PALM2AKAP2: variants seen among roughly 807,000 people sequenced by gnomAD.
PALM2AKAP2 encodes PALM2-AKAP2 fusion protein.
In PALM2AKAP2, 37 loss-of-function variants were observed where a neutral mutation model predicts 71.5. The observed-to-expected ratio is 0.52, with a 90% confidence interval of 0.40 to 0.68. The LOEUF (loss-of-function observed/expected upper bound fraction) is 0.68. Among genes scored for constraint, PALM2AKAP2 ranks in the 30% least tolerant of loss-of-function variants. The probability of loss-of-function intolerance (pLI) is 0.00; values close to 1 mark genes in which losing one functional copy is unlikely to be tolerated. For missense variants in PALM2AKAP2, 1,224 were observed against 1,191.8 expected (o/e 1.03, Z -0.40); for synonymous variants, 468 against 478.8 (o/e 0.98, Z 0.29).
intron 1 of PALM2AKAP2, among the ~76,000 whole-genome samples, chr9:109,812,333 G>A (rs969226340): frequency 1.3e-5 from 2 of 152,078 alleles, no homozygotes; most frequent in African/African-American, 4.8e-5. Context: ...TCGGGGTCAG[G>A]GTTGTTTGTG....
intron 3 of PALM2AKAP2, among the ~76,000 whole-genome samples, chr9:110,167,390 G>A (rs1836762880): frequency 6.6e-6 from 1 of 152,204 alleles, no homozygotes; most frequent in African/African-American, 2.4e-5. Context: ...CAATTGGCAA[G>A]AATGCCTGGA....
At chr9:110,081,706 C>A (rs976519853) in intron 1 of PALM2AKAP2, among the ~76,000 whole-genome samples, 1 of 152,118 alleles carries the variant, frequency 6.6e-6, no homozygotes, top group Non-Finnish European at 1.5e-5. Context: ...GCCCAAGCGA[C>A]AGGAAACTCT....
intron 1 of PALM2AKAP2, among the ~76,000 whole-genome samples, chr9:110,109,317 C>CAAAAAAA (rs1238817681): frequency 1.9e-5 from 1 of 51,938 alleles, no homozygotes; most frequent in Non-Finnish European, 3.9e-5. Flanking sequence ...ATCTTTGTCT[C>CAAAAAAA]CAAAAAAAAA....
intron 1 of PALM2AKAP2, among the ~76,000 whole-genome samples, chr9:109,680,875 G>A (rs1220999054): frequency 1.3e-5 from 2 of 152,110 alleles, no homozygotes; most frequent in Admixed American, 6.6e-5. Context: ...AATTCCATTC[G>A]AGATTAATGA....
chr9:109,878,138 C>G (rs1360533341), intron 2 of PALM2AKAP2, among the ~76,000 whole-genome samples: 1 of 152,182 alleles, frequency 6.6e-6, no homozygotes, highest in Non-Finnish European at 1.5e-5. Context: ...AAAAGAATCT[C>G]TGATAAAGCT....
chr9:109,923,781 T>C (rs148104767), exon 4 of PALM2AKAP2: 130 of 1,605,924 alleles, frequency 8.1e-5, no homozygotes, highest in Non-Finnish European at 1.0e-4. Flanking sequence ...GTCCCAGATA[T>C]CTGCCAAAGA....
chr9:110,048,906 G>A, intron 1 of PALM2AKAP2: 1 of 1,446,342 alleles, frequency 6.9e-7, no homozygotes, highest in Non-Finnish European at 9.0e-7. Flanking sequence ...TCGAGTGTGA[G>A]GAAGGGGTGG....
intron 6 of PALM2AKAP2, among the ~76,000 whole-genome samples, chr9:109,961,754 C>T (rs569154821): frequency 7.9e-5 from 12 of 152,224 alleles, no homozygotes; most frequent in East Asian, 3.8e-4. Context: ...GACTCCTGTA[C>T]GCAAACTGTT....
At chr9:109,728,855 T>A (rs560311671) in intron 1 of PALM2AKAP2, among the ~76,000 whole-genome samples, 88 of 152,306 alleles carry the variant, frequency 5.8e-4, no homozygotes, top group Non-Finnish European at 9.0e-4. Context: ...ACCTAAGCCC[T>A]GAATTGCACT....
chr9:110,014,849 T>C lies in PALM2AKAP2; in HGVS notation c.497-1105T>C, dbSNP rs866008457. Among the ~76,000 whole-genome samples, 451 of 97,500 alleles carry C rather than the reference T, an allele frequency of 4.6e-3. 13 individuals carry two copies. The highest frequency in any genetic ancestry group is 0.016 in the African/African-American group (400 of 25,758). The allele number at this position is 97,500 out of a possible 152,430, so 64.0% of individuals were successfully genotyped here. A position where few individuals can be genotyped will look rare whatever the true frequency, so the allele number is the denominator to read the frequency against. On this transcript the variant is annotated intron_variant, in intron 6 of 9. Coordinates refer to the PALM2AKAP2 transcript ENST00000302798. ...ATATATATATATATATATATATATA[T>C]ATACACACACACACATATATCTTGC...
intron 1 of PALM2AKAP2, among the ~76,000 whole-genome samples, chr9:109,850,407 G>A (rs1473582818): frequency 6.6e-6 from 1 of 151,980 alleles, no homozygotes; most frequent in Non-Finnish European, 1.5e-5. Context: ...CTGTCTTGGT[G>A]GTGTTTTCTG....
chr9:109,692,160 A>G (rs1429395553), intron 1 of PALM2AKAP2, among the ~76,000 whole-genome samples: 2 of 151,150 alleles, frequency 1.3e-5, no homozygotes, highest in Non-Finnish European at 3.0e-5. Context: ...GGTTTTTACT[A>G]TATTCATAAA....
chr9:109,689,744 C>G (rs1354949133), intron 1 of PALM2AKAP2, among the ~76,000 whole-genome samples: 3 of 152,210 alleles, frequency 2.0e-5, no homozygotes, highest in Non-Finnish European at 4.4e-5. Context: ...GAGGACCTAC[C>G]TTTCCAGTCT....
At chr9:110,162,213 A>G in intron 3 of PALM2AKAP2, 81 bp downstream of exon 10, 1 of 1,568,002 alleles carries the variant, frequency 6.4e-7, no homozygotes, top group Non-Finnish European at 8.8e-7. Context: ...TTTCCTGATG[A>G]GTTAAACGAA....
chr9:109,777,089 T>A (rs148938420), upstream of PALM2AKAP2, among the ~76,000 whole-genome samples: 193 of 152,382 alleles, frequency 1.3e-3, 1 homozygote, highest in African/African-American at 4.4e-3. Flanking sequence ...ACAGTTTCTT[T>A]ACAAACGATT....
intron 6 of PALM2AKAP2, among the ~76,000 whole-genome samples, chr9:110,000,470 CAT>C (rs1832662628): frequency 6.6e-6 from 1 of 152,168 alleles, no homozygotes; most frequent in South Asian, 2.1e-4. Flanking sequence ...CCGCAATAAA[CAT>C]ATGTGTGCAT....
At chr9:109,932,878 A>G (rs528475628) in intron 6 of PALM2AKAP2, among the ~76,000 whole-genome samples, 7 of 152,134 alleles carry the variant, frequency 4.6e-5, no homozygotes, top group Admixed American at 3.3e-4. Context: ...AATAAATCAC[A>G]TAATGGCAGA....
intron 2 of PALM2AKAP2, among the ~76,000 whole-genome samples, chr9:110,148,083 TCA>T (rs1391446909): frequency 6.6e-6 from 1 of 152,200 alleles, no homozygotes; most frequent in Admixed American, 6.5e-5. Flanking sequence ...GAGGTAATCT[TCA>T]CACAGCCAAG....
chr9:109,841,777 A>G (rs1587951378), intron 1 of PALM2AKAP2, among the ~76,000 whole-genome samples: 1 of 9,038 alleles, frequency 1.1e-4, no homozygotes, highest in Admixed American at 1.5e-3. Flanking sequence ...GAGAAAGGAG[A>G]GGGTGGGGGG....
Sources: gnomAD v4.1 joint callset for allele counts (sites outside exome capture counted in the v4.1 genomes callset) on GRCh38, gnomAD v4.1.1 for gene constraint, MANE v1.5 for transcripts, NCBI Gene and HGNC (gene_info 2026-07-23, HGNC 2026-07-21) for gene names.